Variants in WWOX observed in about 807,000 individuals in gnomAD.
The protein encoded by WWOX is WW domain-containing oxidoreductase.
WWOX carries 69 observed loss-of-function variants against 46.2 expected under a neutral mutation model. That is an observed-to-expected ratio of 1.49 (90% CI 1.23 to 1.82). The LOEUF (loss-of-function observed/expected upper bound fraction) is 1.82. WWOX is among the 40% of genes most tolerant of loss of function. The pLI is 0.00. For synonymous variants in WWOX, 359 were observed against 202.6 expected, an observed-to-expected ratio of 1.77 and a Z score of -6.56; for missense variants, 919 against 542.6, an observed-to-expected ratio of 1.69 and a Z score of -6.89.
chr16:78,676,899 T>TAAGTTAATTTAGAAGTATC lies in WWOX; in HGVS notation c.1056+244152_1056+244170dup, dbSNP rs1387769543. On this transcript the variant is annotated intron_variant, in intron 8 of 8. Coordinates refer to ENST00000566780, the MANE Select transcript of WWOX (RefSeq NM_016373.4). ...GAGTATTACTTTAATACATTATTGA[T>TAAGTTAATTTAGAAGTATC]AAGTTAATTTAGAAGTATCAAGTGA... is the stretch of plus-strand genomic sequence containing the variant. 3.3e-5 allele frequency among the ~76,000 whole-genome samples: 5 copies of TAAGTTAATTTAGAAGTATC among 152,292 alleles called. No homozygotes were observed. In the South Asian group the frequency reaches 1.0e-3, roughly 32 times the overall value.
intron 5 of WWOX, among the ~76,000 whole-genome samples, chr16:78,370,513 T>C (rs1208008007): frequency 6.6e-6 from 1 of 152,080 alleles, no homozygotes; most frequent in East Asian, 1.9e-4. Context: ...TTTTGATTTT[T>C]TTATGTCATT....
chr16:79,140,913 G>A (rs1437346135), intron 8 of WWOX, among the ~76,000 whole-genome samples: 1 of 152,168 alleles, frequency 6.6e-6, no homozygotes, highest in Non-Finnish European at 1.5e-5. Flanking sequence ...GGATGCTGAT[G>A]TCTGGGATTT....
intron 8 of WWOX, among the ~76,000 whole-genome samples, chr16:79,083,717 C>T (rs761857801): frequency 6.6e-6 from 1 of 152,134 alleles, no homozygotes; most frequent in Non-Finnish European, 1.5e-5. Context: ...AACACCCGGC[C>T]CTGAATTTGC....
At chr16:78,722,640 C>T (rs1369959255) in intron 8 of WWOX, among the ~76,000 whole-genome samples, 1 of 149,036 alleles carries the variant, frequency 6.7e-6, no homozygotes, top group Non-Finnish European at 1.5e-5. Context: ...GAAAGACTAA[C>T]AAGAGTAGAA....
At chr16:78,795,775 T>G (rs982840823) in intron 8 of WWOX, among the ~76,000 whole-genome samples, 1 of 152,202 alleles carries the variant, frequency 6.6e-6, no homozygotes, top group African/African-American at 2.4e-5. Context: ...AATACTGACA[T>G]CTAGCTAATG....
chr16:78,914,555 G>A (rs1392981114), intron 8 of WWOX, among the ~76,000 whole-genome samples: 1 of 151,882 alleles, frequency 6.6e-6, no homozygotes, highest in African/African-American at 2.4e-5. Context: ...ACAGAGTGTG[G>A]GATCAAGAAC....
chr16:78,499,499 G>A (rs1393151139), intron 8 of WWOX, among the ~76,000 whole-genome samples: 1 of 152,146 alleles, frequency 6.6e-6, no homozygotes, highest in Non-Finnish European at 1.5e-5. Context: ...TCCGTTCTTT[G>A]GCAACTAGCA....
chr16:78,955,421 G>T (rs1358870340), intron 8 of WWOX, among the ~76,000 whole-genome samples: 2 of 152,156 alleles, frequency 1.3e-5, no homozygotes, highest in East Asian at 3.9e-4. Flanking sequence ...GTTATTCAGA[G>T]TCCCAGAGAG....
chr16:78,767,020 T>C (rs1255950527), intron 8 of WWOX, among the ~76,000 whole-genome samples: 1 of 152,140 alleles, frequency 6.6e-6, no homozygotes, highest in East Asian at 1.9e-4. Context: ...CAATCCATAT[T>C]GTAGCATATA....
At chr16:79,171,728 G>A (rs528967757) in intron 8 of WWOX, among the ~76,000 whole-genome samples, 5 of 152,054 alleles carry the variant, frequency 3.3e-5, no homozygotes, top group African/African-American at 1.2e-4. Context: ...CTTCATTCAC[G>A]TTGAAAGCAC....
At chr16:78,991,941 C>A (rs923380205) in intron 8 of WWOX, among the ~76,000 whole-genome samples, 1 of 152,172 alleles carries the variant, frequency 6.6e-6, no homozygotes, top group Non-Finnish European at 1.5e-5. Context: ...CAAAATAATT[C>A]TCAACACATA....
chr16:78,422,100 A>G (rs1446233083), intron 6 of WWOX, among the ~76,000 whole-genome samples: 3 of 152,310 alleles, frequency 2.0e-5, no homozygotes, highest in East Asian at 3.9e-4. Context: ...ATCTACCTTT[A>G]TAAAATTTCT....
At chr16:78,433,999 C>T (rs986955954) in intron 8 of WWOX, among the ~76,000 whole-genome samples, 6 of 151,910 alleles carry the variant, frequency 3.9e-5, no homozygotes, top group East Asian at 2.0e-4. Context: ...CCGTTTTAGC[C>T]GGGATGGTCT....
chr16:78,791,669 G>C (rs2050603959), intron 8 of WWOX, among the ~76,000 whole-genome samples: 1 of 152,088 alleles, frequency 6.6e-6, no homozygotes, highest in African/African-American at 2.4e-5. Context: ...CCTGAGGTCA[G>C]AAGTTCGAGA....
rs773727863 is a variant in WWOX at position 78,975,398 on chromosome 16, G to A, written c.1057-236210G>A. Among the ~76,000 whole-genome samples the A allele has an allele frequency of 4.6e-5, 7 of 151,910 alleles. 1 individual carries two copies. The highest frequency in any genetic ancestry group is 1.9e-4 in the East Asian group (1 of 5,154). On this transcript the variant is annotated intron_variant, in intron 8 of 8. Coordinates refer to ENST00000566780, the MANE Select transcript of WWOX (RefSeq NM_016373.4). ...GCAGACCCTTGCAACAAAATCTTACGTGGTCCTGGATGAAAATAACACTGG... is the reference window on the plus strand; with the variant it reads ...GCAGACCCTTGCAACAAAATCTTACATGGTCCTGGATGAAAATAACACTGG...
intron 8 of WWOX, among the ~76,000 whole-genome samples, chr16:79,191,815 C>T (rs770635024): frequency 6.6e-6 from 1 of 152,180 alleles, no homozygotes; most frequent in Middle Eastern, 3.4e-3. Flanking sequence ...AAAATCATAG[C>T]GTCTAGGGGA....
intron 8 of WWOX, among the ~76,000 whole-genome samples, chr16:78,549,624 A>G (rs972383845): frequency 5.3e-5 from 8 of 152,194 alleles, no homozygotes; most frequent in African/African-American, 1.9e-4. Flanking sequence ...TTAGGAGATT[A>G]GGCTGCTAAT....
At chr16:78,582,215 A>G (rs1326339386) in intron 8 of WWOX, among the ~76,000 whole-genome samples, 1 of 152,234 alleles carries the variant, frequency 6.6e-6, no homozygotes, top group Non-Finnish European at 1.5e-5. Flanking sequence ...CTAAGTGGTC[A>G]ATACATGGCC....
intron 8 of WWOX, among the ~76,000 whole-genome samples, chr16:79,105,372 C>G (rs996015453): frequency 2.0e-5 from 3 of 152,114 alleles, no homozygotes; most frequent in Non-Finnish European, 4.4e-5. Context: ...GAAAAGGGCA[C>G]CAACTCCATA....
Sources: allele counts gnomAD v4.1 joint callset (sites outside exome capture counted in the v4.1 genomes callset), GRCh38; gene constraint gnomAD v4.1.1; transcripts MANE v1.5; gene names NCBI Gene and HGNC (gene_info 2026-07-23, HGNC 2026-07-21).